Variants in CA1 observed in about 807,000 individuals in gnomAD.
CA1 encodes carbonate dehydratase I.
Under a neutral mutation model 28.8 loss-of-function variants are expected in CA1, and 27 were observed. The ratio of observed to expected loss-of-function variants is 0.94; its 90% CI spans 0.69 to 1.29. The LOEUF is 1.29. Among genes scored for constraint, CA1 ranks in the 50% most tolerant of loss-of-function variants. CA1 has a pLI of 0.00. For missense variants in CA1, 335 were observed against 310.5 expected (o/e 1.08, Z -0.59); for synonymous variants, 121 against 108.8 (o/e 1.11, Z -0.70).
chr8:85,345,171 G>A (rs1381618539), intron 1 of CA1, among the ~76,000 whole-genome samples: 3 of 152,174 alleles, frequency 2.0e-5, no homozygotes, highest in Non-Finnish European at 4.4e-5. Context: ...TAACAAAGCT[G>A]TGTTGGTAAC....
intron 7 of CA1, among the ~76,000 whole-genome samples, chr8:85,328,943 A>G (rs1046795288): frequency 1.3e-5 from 2 of 152,076 alleles, no homozygotes; most frequent in Non-Finnish European, 2.9e-5. Flanking sequence ...TTAATTATTG[A>G]TGACTGGGTT....
intron 5 of CA1, 68 bp from the exon 6 acceptor site, chr8:85,332,620 T>A: frequency 8.2e-7 from 1 of 1,215,552 alleles, no homozygotes; most frequent in Non-Finnish European, 1.2e-6. Context: ...TAGCTAAATT[T>A]TGAATTTTTT....
At chr8:85,364,192 G>A (rs1439168223) in intron 1 of CA1, among the ~76,000 whole-genome samples, 3 of 151,988 alleles carry the variant, frequency 2.0e-5, no homozygotes, top group African/African-American at 7.2e-5. Flanking sequence ...CAGACTTTGC[G>A]ATGTGCTGCT....
Position 85,332,517 on chromosome 8 carries a change from A to T in CA1, c.486T>A (p.Leu162=). Residue 162 remains leucine (L), a synonymous_variant, in exon 6 of 8, where the codon CTT becomes CTA. Transcript: ENST00000523022. The part of the protein sequence containing the change: ...GEANPKLQKV[L]DALQAIKTKG... The stretch of plus-strand genomic sequence containing the variant: ...TGGTTTTAATTGCTTGGAGGGCATC[A>T]AGTACTTTCTGCAGCTTTGGGTTGG... The T allele has an allele frequency of 1.2e-6, 2 of 1,613,166 alleles. No homozygotes were observed. Among genetic ancestry groups the T allele is most frequent in the Non-Finnish European group, 1.7e-6 (2 of 1,179,330 alleles).
chr8:85,374,701 T>C (rs1810345557), intron 1 of CA1, among the ~76,000 whole-genome samples: 1 of 152,198 alleles, frequency 6.6e-6, no homozygotes, highest in Non-Finnish European at 1.5e-5. Context: ...TCACCATCTG[T>C]TTCTCTTCAA....
intron 1 of CA1, among the ~76,000 whole-genome samples, chr8:85,360,680 CT>C (rs1384898883): frequency 6.6e-6 from 1 of 152,172 alleles, no homozygotes; most frequent in Non-Finnish European, 1.5e-5. Context: ...GCGACACCCC[CT>C]GTCTCTAAAT....
intron 1 of CA1, among the ~76,000 whole-genome samples, chr8:85,346,725 G>T (rs1809206897): frequency 1.3e-5 from 2 of 152,200 alleles, no homozygotes; most frequent in South Asian, 4.1e-4. Flanking sequence ...CTGCACTGCT[G>T]CACGCCAGCC....
intron 6 of CA1, 87 bp from the exon 7 acceptor site, chr8:85,329,931 T>C (rs1245042294): frequency 9.0e-7 from 1 of 1,111,874 alleles, no homozygotes; most frequent in Non-Finnish European, 1.3e-6. Flanking sequence ...TATCTTGTTA[T>C]ACATTATTTA....
At chr8:85,338,859 G>A (rs1161452309) in intron 2 of CA1, among the ~76,000 whole-genome samples, 1 of 151,428 alleles carries the variant, frequency 6.6e-6, no homozygotes, top group Non-Finnish European at 1.5e-5. Context: ...GATTACAGGA[G>A]CATGCCACCA....
At chr8:85,328,922 A>G (rs1179417259) in intron 7 of CA1, among the ~76,000 whole-genome samples, 2 of 151,990 alleles carry the variant, frequency 1.3e-5, no homozygotes, top group Non-Finnish European at 2.9e-5. Context: ...TATTTGCTTT[A>G]TTTTATTGAT....
Position 85,352,662 on chromosome 8 carries a change from C to T in CA1, c.-24-11003G>A, listed in dbSNP as rs1809455694. On this transcript the variant is annotated intron_variant, in intron 1 of 7. Transcript: ENST00000523022. Reference sequence around the variant, plus strand: ...CCCTTCCTGCCAGCTCAGCCCTCAGCTCCATTTTTTTTTTTTTTTTTTGAG... The same window carrying T: ...CCCTTCCTGCCAGCTCAGCCCTCAGTTCCATTTTTTTTTTTTTTTTTTGAG... Among the ~76,000 whole-genome samples the T allele has an allele frequency of 2.1e-5, 3 of 144,822 alleles. No homozygotes were observed. The South Asian group carries it at 6.7e-4, about 32-fold the overall frequency.
intron 1 of CA1, among the ~76,000 whole-genome samples, chr8:85,358,134 C>A (rs954063820): frequency 1.3e-5 from 2 of 152,074 alleles, no homozygotes; most frequent in African/African-American, 4.8e-5. Flanking sequence ...ACTAGGTGGG[C>A]AGTGGTAAGG....
At chr8:85,352,088 T>C (rs1470680231) in intron 1 of CA1, among the ~76,000 whole-genome samples, 1 of 152,224 alleles carries the variant, frequency 6.6e-6, no homozygotes, top group East Asian at 1.9e-4. Context: ...GTTGATTTTG[T>C]AACTCATAGT....
chr8:85,366,303 G>C (rs1810005955), intron 1 of CA1, among the ~76,000 whole-genome samples: 1 of 151,200 alleles, frequency 6.6e-6, no homozygotes, highest in Non-Finnish European at 1.5e-5. Context: ...GTGAGTTACT[G>C]TGTGCTACCC....
chr8:85,364,671 A>G lies in CA1; in HGVS notation c.-25+13375T>C, dbSNP rs377223792. ...ACACTGCTATAATACACACTGAGCT[A>G]TGAAAAATCTTATGCTGGAAAAGGT... On this transcript the variant is annotated intron_variant, in intron 1 of 7. Transcript: ENST00000523022. 3.3e-3 allele frequency among the ~76,000 whole-genome samples: 507 copies of G among 152,344 alleles called. 5 individuals carry two copies. Among genetic ancestry groups the G allele is most frequent in the African/African-American group, 0.012 (494 of 41,588 alleles).
intron 1 of CA1, among the ~76,000 whole-genome samples, chr8:85,369,028 A>C (rs1160549388): frequency 6.6e-6 from 1 of 152,206 alleles, no homozygotes; most frequent in Non-Finnish European, 1.5e-5. Context: ...GTGGCAGATC[A>C]GGACACCTAG....
intron 1 of CA1, among the ~76,000 whole-genome samples, chr8:85,344,187 ATTATAT>A (rs1809046496): frequency 8.6e-6 from 1 of 116,140 alleles, no homozygotes; most frequent in African/African-American, 4.6e-5. Context: ...ATAATATATA[ATTATAT>A]ATTATACAGT....
intron 1 of CA1, among the ~76,000 whole-genome samples, chr8:85,344,220 T>TTATATTATA (rs1416429699): frequency 4.9e-5 from 3 of 61,256 alleles, no homozygotes; most frequent in African/African-American, 2.1e-4. Context: ...TATAATTATA[T>TTATATTATA]TATATACAGT....
chr8:85,363,114 A>G (rs371417068), intron 1 of CA1, among the ~76,000 whole-genome samples: 10 of 152,328 alleles, frequency 6.6e-5, no homozygotes, highest in East Asian at 3.9e-4. Context: ...TTTAAAGAAA[A>G]AGTAAAGGGA....
Sources: allele counts gnomAD v4.1 joint callset (sites outside exome capture counted in the v4.1 genomes callset), GRCh38; gene constraint gnomAD v4.1.1; transcripts MANE v1.5; gene names NCBI Gene and HGNC (gene_info 2026-07-23, HGNC 2026-07-21).